The following ZPBP variants were observed in gnomAD, a reference collection of about 807,000 sequenced individuals.
ZPBP encodes the protein zona pellucida binding protein.
ZPBP carries 26 observed loss-of-function variants against 44.8 expected under a neutral mutation model. That is an observed-to-expected ratio of 0.58 (90% CI 0.43 to 0.81). The LOEUF (loss-of-function observed/expected upper bound fraction) is 0.81, where lower values mean the gene tolerates loss of function less well. Among genes scored for constraint, ZPBP ranks in the 30% least tolerant of loss-of-function variants. The pLI is 0.00. For missense variants in ZPBP, 409 were observed against 434.0 expected (o/e 0.94, Z 0.51); for synonymous variants, 174 against 153.2 (o/e 1.14, Z -1.00).
chr7:49,900,991 C>A (rs1482862422), intron 2 of ZPBP: 2 of 151,674 alleles, frequency 1.3e-5, no homozygotes, highest in Non-Finnish European at 3.0e-5. Context: ...ACGATGATAT[C>A]AGTAGATACA....
intron 7 of ZPBP, among the ~76,000 whole-genome samples, chr7:49,948,593 T>C (rs1486981577): frequency 6.6e-6 from 1 of 151,996 alleles, no homozygotes; most frequent in Non-Finnish European, 1.5e-5. Flanking sequence ...GATACACAAA[T>C]GGTCAATAAG....
At chr7:49,895,546 AG>A (rs1410123119) in intron 2 of ZPBP, among the ~76,000 whole-genome samples, 1 of 152,220 alleles carries the variant, frequency 6.6e-6, no homozygotes, top group Non-Finnish European at 1.5e-5. Context: ...GCTGTCCATG[AG>A]GCAAGAAAAG....
In ZPBP at chr7:50,093,132, G is replaced by A. The variant is rs528560968; in HGVS notation, c.63C>T (p.Ser21=). 1.3e-6 allele frequency: 2 copies of A among 1,561,386 alleles called. No homozygotes were observed. The highest frequency in any genetic ancestry group is 1.4e-5 in the African/African-American group (1 of 72,942). The change falls in exon 1 of 8, where the codon TCC becomes TCT. Residue 21 remains serine, a synonymous_variant. Transcript: ENST00000046087. ...RGRRRTRAAG[S]LLSRAAILLF... is the part of the protein sequence containing the mutation. ...GGAGGATGGCGGCCCGAGAGAGCAG[G>A]GAGCCGGCGGCCCGGGTCCGCCGCC...
chr7:50,005,183 C>T (rs1028162231), intron 6 of ZPBP, among the ~76,000 whole-genome samples: 4 of 151,894 alleles, frequency 2.6e-5, no homozygotes, highest in African/African-American at 9.7e-5. Context: ...TATAACAAAA[C>T]TGTCCTTCAA....
intron 6 of ZPBP, among the ~76,000 whole-genome samples, chr7:50,011,929 G>T (rs911602691): frequency 2.6e-5 from 4 of 151,668 alleles, no homozygotes; most frequent in African/African-American, 9.7e-5. Context: ...GAATCAGAAG[G>T]CTGATGCAGG....
At chr7:50,057,069 C>T (rs1800977747) in intron 4 of ZPBP, among the ~76,000 whole-genome samples, 1 of 151,832 alleles carries the variant, frequency 6.6e-6, no homozygotes, top group African/African-American at 2.4e-5. Flanking sequence ...CCTGTAGTCC[C>T]AGCTAGTCGG....
At chr7:50,063,133 A>G (rs1801330864) in intron 3 of ZPBP, among the ~76,000 whole-genome samples, 1 of 152,244 alleles carries the variant, frequency 6.6e-6, no homozygotes. Flanking sequence ...GTGACCTTGC[A>G]GCTGCACAGC....
intron 7 of ZPBP, among the ~76,000 whole-genome samples, chr7:49,983,047 CT>C (rs1797100231): frequency 1.3e-5 from 2 of 151,982 alleles, no homozygotes; most frequent in Middle Eastern, 6.8e-3. Context: ...TATTAATTGG[CT>C]TTTTTTAAAG....
Position 50,004,796 on chromosome 7 carries a change from C to T in ZPBP, c.783+13444G>A, listed in dbSNP as rs138361727. Among the ~76,000 whole-genome samples the T allele has an allele frequency of 2.3e-3, 354 of 151,830 alleles. 4 individuals carry two copies. The highest frequency in any genetic ancestry group is 2.8e-3 in the African/African-American group (117 of 41,382). ...TGAAGAAATATGAATAGAACCTAAGCGATATGTGAGATACCATATCAAGTT... is the reference window on the plus strand; with the variant it reads ...TGAAGAAATATGAATAGAACCTAAGTGATATGTGAGATACCATATCAAGTT... On this transcript the variant is annotated intron_variant, in intron 6 of 7. Transcript: ENST00000046087.
At chr7:50,031,405 A>G in intron 4 of ZPBP, 95 bp from the exon 5 acceptor site, 1 of 941,268 alleles carries the variant, frequency 1.1e-6, no homozygotes, top group Middle Eastern at 3.2e-4. Flanking sequence ...TTTGGTATGA[A>G]TTCTTGGTAC....
At chr7:49,997,443 T>C (rs1383314466) in intron 6 of ZPBP, among the ~76,000 whole-genome samples, 2 of 152,210 alleles carry the variant, frequency 1.3e-5, no homozygotes, top group Admixed American at 6.5e-5. Flanking sequence ...TCTACTTGCA[T>C]AAATTAGAAA....
Position 50,093,211 on chromosome 7 carries a change from C to A in ZPBP, c.-17G>T. 1.3e-6 allele frequency: 2 copies of A among 1,509,240 alleles called. No individual in the cohort carries two copies. The highest frequency in any genetic ancestry group is 2.3e-4 in the Middle Eastern group (1 of 4,268). The allele number at this position is 1,509,240 out of a possible 1,614,324, so 93.5% of individuals were successfully genotyped here. On this transcript the variant is annotated 5_prime_UTR_variant, in exon 1 of 8. Transcript: ENST00000046087. ...GGCCTCCATCCACACGCCGCCGTCG[C>A]CTGCCCACCGTCCGCGCGGAAGGTC...
chr7:49,897,177 G>A (rs1056282011), intron 2 of ZPBP, among the ~76,000 whole-genome samples: 1 of 151,916 alleles, frequency 6.6e-6, no homozygotes, highest in African/African-American at 2.4e-5. Flanking sequence ...TTACAGGCGT[G>A]AGCCACCGCG....
chr7:50,042,628 T>C (rs1800151114), intron 4 of ZPBP, among the ~76,000 whole-genome samples: 1 of 152,184 alleles, frequency 6.6e-6, no homozygotes. Flanking sequence ...TGAGAGATTG[T>C]GTCACCACCA....
intron 6 of ZPBP, among the ~76,000 whole-genome samples, chr7:50,011,504 G>A (rs1020960849): frequency 3.1e-4 from 47 of 152,226 alleles, no homozygotes; most frequent in Middle Eastern, 3.4e-3. Context: ...TGACAGAGAT[G>A]ATCTGAACAA....
intron 2 of ZPBP, among the ~76,000 whole-genome samples, chr7:49,884,006 G>A (rs1001572252): frequency 4.6e-5 from 7 of 152,222 alleles, no homozygotes; most frequent in African/African-American, 1.7e-4. Context: ...TAGCACGACT[G>A]TGGGTGTGGG....
intron 5 of ZPBP, among the ~76,000 whole-genome samples, chr7:50,023,458 G>C (rs1799186588): frequency 6.6e-6 from 1 of 151,940 alleles, no homozygotes; most frequent in Non-Finnish European, 1.5e-5. Flanking sequence ...AAAAAAAAAT[G>C]TAGCCTCTAG....
rs947552817 is a variant in ZPBP at position 50,013,655 on chromosome 7, T to C, written c.783+4585A>G. On this transcript the variant is annotated intron_variant, in intron 6 of 7. Transcript: ENST00000046087. ...TATAAACTTTACCCAATTAAAATCTTTTTTTAATATTAGGGAATATTAGTC... is the reference window on the plus strand; with the variant it reads ...TATAAACTTTACCCAATTAAAATCTCTTTTTAATATTAGGGAATATTAGTC... Among the ~76,000 whole-genome samples the C allele has an allele frequency of 2.0e-5, 3 of 152,072 alleles. 1 individual carries two copies. In the South Asian group the frequency reaches 6.2e-4, roughly 31 times the overall value.
intron 7 of ZPBP, among the ~76,000 whole-genome samples, chr7:49,975,970 T>A (rs935893972): frequency 6.6e-6 from 1 of 152,212 alleles, no homozygotes; most frequent in African/African-American, 2.4e-5. Context: ...TTTTTCTATC[T>A]ACTAATTGTT....
Sources: gnomAD v4.1 joint callset for allele counts (sites outside exome capture counted in the v4.1 genomes callset) on GRCh38, gnomAD v4.1.1 for gene constraint, MANE v1.5 for transcripts, NCBI Gene and HGNC (gene_info 2026-07-23, HGNC 2026-07-21) for gene names.